GRM7: variants seen among roughly 807,000 people sequenced by gnomAD.
The protein encoded by GRM7 is glutamate metabotropic receptor 7, also known as metabotropic glutamate receptor 7.
GRM7 carries 35 observed loss-of-function variants against 84.5 expected under a neutral mutation model. The observed-to-expected ratio is 0.41, with a 90% confidence interval of 0.32 to 0.55. The LOEUF (loss-of-function observed/expected upper bound fraction) is 0.55. GRM7 is among the 20% of genes least tolerant of loss of function. The probability of loss-of-function intolerance (pLI) is 0.19; values close to 1 mark genes in which losing one functional copy is unlikely to be tolerated. For synonymous variants in GRM7, 487 were observed against 455.1 expected (o/e 1.07, Z -0.89); for missense variants, 1,003 against 1,194.6 (o/e 0.84, Z 2.36).
chr3:7,168,383 A>G (rs1361304592), intron 2 of GRM7, among the ~76,000 whole-genome samples: 1 of 151,988 alleles, frequency 6.6e-6, no homozygotes, highest in East Asian at 1.9e-4. Context: ...TTGGAAGTTG[A>G]TTAGGTTTAG....
rs201113779 is a variant in GRM7 at position 7,275,934 on chromosome 3, G to GT, written c.737-22746dup. 3.1e-3 allele frequency among the ~76,000 whole-genome samples: 467 copies of GT among 152,020 alleles called. 16 individuals carry two copies. In the East Asian group the frequency reaches 0.071, roughly 23 times the overall value. ...CAGCAATTCAGTAATTACACTTCAG[G>GT]TTTTCCTATCCCAGCATTGATTCCC... is the stretch of plus-strand genomic sequence containing the variant. On this transcript the variant is annotated intron_variant, in intron 2 of 9. Transcript: ENST00000357716.
At chr3:7,116,396 G>T (rs1693034447) in intron 1 of GRM7, among the ~76,000 whole-genome samples, 1 of 152,054 alleles carries the variant, frequency 6.6e-6, no homozygotes, top group Non-Finnish European at 1.5e-5. Flanking sequence ...CTGTCATTAT[G>T]CCCACAGATG....
intron 4 of GRM7, among the ~76,000 whole-genome samples, chr3:7,336,089 A>C (rs1701408423): frequency 7.1e-6 from 1 of 141,220 alleles, no homozygotes; most frequent in African/African-American, 2.6e-5. Context: ...GAAAGAACGT[A>C]ACAAAAAAAA....
intron 1 of GRM7, among the ~76,000 whole-genome samples, chr3:6,992,934 G>A (rs1482269380): frequency 2.0e-5 from 3 of 152,214 alleles, no homozygotes; most frequent in African/African-American, 7.2e-5. Flanking sequence ...ATAGGAGAGA[G>A]ACCTGAGGAT....
intron 8 of GRM7, among the ~76,000 whole-genome samples, chr3:7,676,438 ATTCTTTGTTT>A (rs1700124522): frequency 6.6e-6 from 1 of 152,110 alleles, no homozygotes; most frequent in Admixed American, 6.5e-5. Context: ...TATCATGCTT[ATTCTTTGTTT>A]TAATTAATTA....
intron 1 of GRM7, among the ~76,000 whole-genome samples, chr3:6,871,784 A>G (rs577398915): frequency 5.3e-5 from 8 of 152,136 alleles, no homozygotes; most frequent in Non-Finnish European, 1.2e-4. Context: ...CAACACACAT[A>G]CATTTCTAGT....
At chr3:7,171,263 T>C (rs1268549387) in intron 2 of GRM7, among the ~76,000 whole-genome samples, 1 of 152,142 alleles carries the variant, frequency 6.6e-6, no homozygotes, top group East Asian at 1.9e-4. Flanking sequence ...TTATCTTCCC[T>C]CTGCTTGTCT....
At chr3:6,959,036 T>A (rs970149490) in intron 1 of GRM7, among the ~76,000 whole-genome samples, 1 of 152,160 alleles carries the variant, frequency 6.6e-6, no homozygotes, top group South Asian at 2.1e-4. Flanking sequence ...TTGATTAAAG[T>A]GGAGGAAATT....
intron 8 of GRM7, chr3:7,607,484 T>C (rs1414440652): frequency 6.6e-6 from 1 of 152,202 alleles, no homozygotes; most frequent in African/African-American, 2.4e-5. Flanking sequence ...TGATTACTGT[T>C]GTCTTAGGAC....
At chr3:7,319,105 C>T (rs1022748409) in intron 4 of GRM7, among the ~76,000 whole-genome samples, 1 of 151,850 alleles carries the variant, frequency 6.6e-6, no homozygotes, top group African/African-American at 2.4e-5. Flanking sequence ...AGATACTGTG[C>T]GTGTTTTAAA....
intron 7 of GRM7, among the ~76,000 whole-genome samples, chr3:7,494,074 A>G (rs1033799167): frequency 7.2e-5 from 11 of 152,152 alleles, no homozygotes; most frequent in Middle Eastern, 3.4e-3. Context: ...ATGTGCCCAT[A>G]TTTCTACTTT....
At chr3:7,535,427 G>A (rs1479137485) in intron 7 of GRM7, 1 of 152,206 alleles carries the variant, frequency 6.6e-6, no homozygotes, top group African/African-American at 2.4e-5. Context: ...AGTAGTCCTA[G>A]GAGCCGGCTG....
intron 8 of GRM7, among the ~76,000 whole-genome samples, chr3:7,580,672 A>G (rs1261075339): frequency 8.5e-5 from 13 of 152,212 alleles, no homozygotes; most frequent in Admixed American, 8.5e-4. Context: ...TCTAAAACCA[A>G]GGAGAATGAA....
rs140244287 is a variant in GRM7 at position 7,530,017 on chromosome 3, G to A, written c.1516-48405G>A. ...GCAGGTTTGTGACATAGGTATACAC[G>A]TGCCATGGTGGTTTGCAGCACCCAT... On this transcript the variant is annotated intron_variant, in intron 7 of 9. Transcript: ENST00000357716. Among the ~76,000 whole-genome samples, 242 of 150,830 alleles carry A rather than the reference G, an allele frequency of 1.6e-3. 1 individual carries two copies. The highest frequency in any genetic ancestry group is 5.5e-3 in the African/African-American group (227 of 41,080).
intron 5 of GRM7, chr3:7,451,715 CAA>C (rs1356123433): frequency 6.6e-6 from 1 of 152,142 alleles, no homozygotes; most frequent in Non-Finnish European, 1.5e-5. Context: ...AATTACCTCA[CAA>C]AGTGATGATG....
chr3:7,081,162 C>T (rs1299740944), intron 1 of GRM7, among the ~76,000 whole-genome samples: 1 of 151,986 alleles, frequency 6.6e-6, no homozygotes, highest in East Asian at 1.9e-4. Flanking sequence ...TTTATTATGC[C>T]TCACGTTATT....
chr3:7,641,300 A>C (rs1353563627), intron 8 of GRM7, among the ~76,000 whole-genome samples: 3 of 152,208 alleles, frequency 2.0e-5, no homozygotes, highest in African/African-American at 7.2e-5. Flanking sequence ...CTAAAAGGAA[A>C]AGATAAAATA....
At chr3:7,598,705 T>G (rs1696165771) in intron 8 of GRM7, among the ~76,000 whole-genome samples, 3 of 152,204 alleles carry the variant, frequency 2.0e-5, no homozygotes, top group Admixed American at 2.0e-4. Context: ...TTGGCAATTC[T>G]GTGTTTAATG....
intron 1 of GRM7, among the ~76,000 whole-genome samples, chr3:6,916,308 T>C (rs1178561181): frequency 2.0e-5 from 3 of 152,024 alleles, no homozygotes; most frequent in Non-Finnish European, 2.9e-5. Context: ...AAATATAAAA[T>C]AAATATGTGA....
Sources: gnomAD v4.1 joint callset for allele counts (sites outside exome capture counted in the v4.1 genomes callset) on GRCh38, gnomAD v4.1.1 for gene constraint, MANE v1.5 for transcripts, NCBI Gene and HGNC (gene_info 2026-07-23, HGNC 2026-07-21) for gene names.